The following DDAH1 variants were observed in gnomAD, a reference collection of about 807,000 sequenced individuals.
DDAH1 encodes N(G),N(G)-dimethylarginine dimethylaminohydrolase 1.
Under a neutral mutation model 28.8 loss-of-function variants are expected in DDAH1, and 19 were observed. That is an observed-to-expected ratio of 0.66 (90% CI 0.46 to 0.97). DDAH1 has a LOEUF of 0.97. Among genes scored for constraint, DDAH1 ranks in the 50% least tolerant of loss-of-function variants. The pLI is 0.00. For synonymous variants in DDAH1, 153 were observed against 154.4 expected (o/e 0.99, Z 0.07); for missense variants, 326 against 375.9 (o/e 0.87, Z 1.10).
intron 1 of DDAH1, among the ~76,000 whole-genome samples, chr1:85,445,230 TC>T (rs1056168766): frequency 6.6e-6 from 1 of 152,096 alleles, no homozygotes; most frequent in Non-Finnish European, 1.5e-5. Flanking sequence ...TATCCTTCAA[TC>T]CAAGCAAGTT....
At chr1:85,426,569 C>T (rs1263834906) in intron 1 of DDAH1, among the ~76,000 whole-genome samples, 2 of 152,122 alleles carry the variant, frequency 1.3e-5, no homozygotes, top group Non-Finnish European at 2.9e-5. Flanking sequence ...ACAACTTCTG[C>T]TAATTTAATA....
At chr1:85,410,674 A>T (rs879614662) in intron 1 of DDAH1, among the ~76,000 whole-genome samples, 7 of 151,978 alleles carry the variant, frequency 4.6e-5, no homozygotes, top group African/African-American at 7.2e-5. Flanking sequence ...GTTAACATTG[A>T]ATATTCTGGG....
At chr1:85,407,712 A>AT (rs1430069826) in intron 1 of DDAH1, among the ~76,000 whole-genome samples, 2 of 152,194 alleles carry the variant, frequency 1.3e-5, no homozygotes, top group African/African-American at 4.8e-5. Context: ...TTTTGGTAAT[A>AT]TTGACCCAAG....
chr1:85,407,160 A>G (rs1466819273), intron 1 of DDAH1, among the ~76,000 whole-genome samples: 1 of 152,202 alleles, frequency 6.6e-6, no homozygotes, highest in Non-Finnish European at 1.5e-5. Context: ...CTGCACACAG[A>G]CTTTCCCATT....
rs1647289189 is a variant in DDAH1, at chr1:85,325,053, T to C, written c.598-170A>G. 2.0e-5 allele frequency among the ~76,000 whole-genome samples: 3 copies of C among 152,214 alleles called. No homozygotes were observed. In the South Asian group the frequency reaches 6.2e-4, roughly 32 times the overall value. On this transcript the variant is annotated intron_variant, in intron 4 of 5. Coordinates refer to ENST00000284031, the MANE Select transcript of DDAH1 (RefSeq NM_012137.4). The stretch of plus-strand genomic sequence containing the variant: ...TTAGAACCAGAAAAGGAAAACTTGA[T>C]TAAGCTATGAGTCTTTGGAAGAATT...
intron 1 of DDAH1, among the ~76,000 whole-genome samples, chr1:85,538,635 A>G (rs1466641750): frequency 6.6e-6 from 1 of 152,200 alleles, no homozygotes; most frequent in African/African-American, 2.4e-5. Flanking sequence ...AGGGAAAAAA[A>G]AAAGAACAAC....
chr1:85,325,359 G>GCA (rs1207305993), intron 4 of DDAH1, among the ~76,000 whole-genome samples: 1 of 151,686 alleles, frequency 6.6e-6, no homozygotes, highest in Non-Finnish European at 1.5e-5. Context: ...GTGCGTGCGC[G>GCA]CGCGCGCGCA....
intron 2 of DDAH1, among the ~76,000 whole-genome samples, chr1:85,470,618 G>C (rs1403724458): frequency 6.6e-6 from 1 of 152,216 alleles, no homozygotes; most frequent in Non-Finnish European, 1.5e-5. Flanking sequence ...AGTAAGTCCT[G>C]AGTGTTTTAA....
intron 1 of DDAH1, among the ~76,000 whole-genome samples, chr1:85,416,336 C>T (rs564005287): frequency 6.6e-6 from 1 of 152,092 alleles, no homozygotes; most frequent in East Asian, 1.9e-4. Flanking sequence ...GCTGGGACTA[C>T]AGGCATCCAC....
At chr1:85,394,391 GC>G (rs1433596928) in intron 1 of DDAH1, among the ~76,000 whole-genome samples, 1 of 152,210 alleles carries the variant, frequency 6.6e-6, no homozygotes, top group Non-Finnish European at 1.5e-5. Context: ...CAGATGGGCT[GC>G]CCCGTCTTGG....
At chr1:85,380,822 CTT>C (rs908226624) in intron 1 of DDAH1, among the ~76,000 whole-genome samples, 1 of 152,096 alleles carries the variant, frequency 6.6e-6, no homozygotes, top group African/African-American at 2.4e-5. Context: ...CTATCTTAGA[CTT>C]ATGTGTGTGT....
chr1:85,359,127 T>C (rs1305219358), intron 1 of DDAH1, among the ~76,000 whole-genome samples: 1 of 152,216 alleles, frequency 6.6e-6, no homozygotes, highest in Non-Finnish European at 1.5e-5. Flanking sequence ...GTAGTTACAA[T>C]ACTGTTGGAG....
intron 1 of DDAH1, among the ~76,000 whole-genome samples, chr1:85,393,535 TG>T (rs1210978860): frequency 6.6e-6 from 1 of 152,198 alleles, no homozygotes; most frequent in Admixed American, 6.5e-5. Flanking sequence ...AAAAACCCCT[TG>T]TAAAAGAAAT....
intron 1 of DDAH1, among the ~76,000 whole-genome samples, chr1:85,507,712 A>C (rs1341833852): frequency 2.6e-4 from 40 of 152,302 alleles, no homozygotes; most frequent in Non-Finnish European, 8.8e-5. Context: ...TTATCAAGCT[A>C]AGAGTCCTTT....
At chr1:85,413,918 T>C (rs1652771305) in intron 1 of DDAH1, among the ~76,000 whole-genome samples, 1 of 152,260 alleles carries the variant, frequency 6.6e-6, no homozygotes, top group Non-Finnish European at 1.5e-5. Context: ...TGGTTATATC[T>C]ATTGAATGTT....
intron 1 of DDAH1, among the ~76,000 whole-genome samples, chr1:85,511,009 A>T (rs1173368514): frequency 6.6e-6 from 1 of 152,228 alleles, no homozygotes; most frequent in African/African-American, 2.4e-5. Context: ...TCCAATAGAC[A>T]TCTACAGAAC....
intron 1 of DDAH1, among the ~76,000 whole-genome samples, chr1:85,573,055 A>G (rs1378226): frequency 0.89 from 135,794 of 152,284 alleles, 60,671 homozygotes; most frequent in South Asian, 0.94. Context: ...AAAGATAATG[A>G]TGGTGCTTGG....
chr1:85,498,083 A>G (rs1311189616), intron 1 of DDAH1, among the ~76,000 whole-genome samples: 1 of 152,218 alleles, frequency 6.6e-6, no homozygotes, highest in Non-Finnish European at 1.5e-5. Flanking sequence ...CCTTTAAAAT[A>G]CAGTCTTAAA....
intron 1 of DDAH1, among the ~76,000 whole-genome samples, chr1:85,536,509 C>G (rs375400749): frequency 6.6e-6 from 1 of 152,104 alleles, no homozygotes; most frequent in African/African-American, 2.4e-5. Context: ...GCCGAGATCA[C>G]GCCAATGCAC....
Sources: allele counts gnomAD v4.1 joint callset (sites outside exome capture counted in the v4.1 genomes callset), GRCh38; gene constraint gnomAD v4.1.1; transcripts MANE v1.5; gene names NCBI Gene and HGNC (gene_info 2026-07-23, HGNC 2026-07-21).